Variants in PLEK observed in about 807,000 individuals in gnomAD.
PLEK encodes the protein platelet 47 kDa protein.
PLEK carries 25 observed loss-of-function variants against 43.9 expected under a neutral mutation model. The observed-to-expected ratio is 0.57, with a 90% confidence interval of 0.41 to 0.79. The LOEUF is 0.79. Among genes scored for constraint, PLEK ranks in the 30% least tolerant of loss-of-function variants. The pLI is 0.00. For missense variants in PLEK, 396 were observed against 413.3 expected (o/e 0.96, Z 0.36); for synonymous variants, 152 against 144.4 (o/e 1.05, Z -0.38).
At chr2:68,381,863 C>T (rs539606057) in intron 3 of PLEK, among the ~76,000 whole-genome samples, 6 of 152,256 alleles carry the variant, frequency 3.9e-5, no homozygotes, top group African/African-American at 1.4e-4. Flanking sequence ...TGGGGGCCAT[C>T]GAGTGACCAC....
chr2:68,389,811 G>T (rs1673824560), intron 6 of PLEK, among the ~76,000 whole-genome samples: 1 of 152,100 alleles, frequency 6.6e-6, no homozygotes, highest in South Asian at 2.1e-4. Context: ...CGGACAGTTT[G>T]CCCGCTGCTG....
chr2:68,374,186 T>G (rs915592164), intron 1 of PLEK, among the ~76,000 whole-genome samples: 5 of 152,332 alleles, frequency 3.3e-5, no homozygotes, highest in Admixed American at 6.5e-5. Context: ...TACTTCAACA[T>G]ACATCTTCCA....
At chr2:68,382,507 T>G in intron 3 of PLEK, 35 bp from the exon 4 acceptor site, 1 of 1,265,462 alleles carries the variant, frequency 7.9e-7, no homozygotes. Context: ...TTTTTTTTTG[T>G]TTGTTTGTTT....
intron 1 of PLEK, among the ~76,000 whole-genome samples, chr2:68,371,156 C>T (rs1452343205): frequency 6.6e-6 from 1 of 152,280 alleles, no homozygotes; most frequent in East Asian, 1.9e-4. Context: ...TTCTCATCTG[C>T]AGCTTGCATT....
chr2:68,386,817 A>G (rs1673754261), intron 5 of PLEK, 131 bp downstream of exon 5: 1 of 660,246 alleles, frequency 1.5e-6, no homozygotes, highest in Non-Finnish European at 2.6e-6. Flanking sequence ...AGGAAGAACA[A>G]GGGAATACCT....
At chr2:68,380,521 A>G in intron 2 of PLEK, 38 bp downstream of exon 2, 1 of 1,597,014 alleles carries the variant, frequency 6.3e-7, no homozygotes, top group African/African-American at 1.3e-5. Context: ...ACCCCTGGTC[A>G]GGCACTCAAC....
At chr2:68,368,257 C>T (rs72892058) in intron 1 of PLEK, among the ~76,000 whole-genome samples, 4 of 152,132 alleles carry the variant, frequency 2.6e-5, no homozygotes, top group African/African-American at 7.2e-5. Flanking sequence ...TTTCACCTTA[C>T]TTTTTTGTTT....
chr2:68,386,699 C>T lies in PLEK; in HGVS notation c.657+13C>T. The T allele has an allele frequency of 1.9e-6, 3 of 1,600,860 alleles. No homozygotes were observed. Among genetic ancestry groups the T allele is most frequent in the Non-Finnish European group, 2.6e-6 (3 of 1,168,770 alleles). ...CTTCTACTACTTTGTAAGAAAAGCT[C>T]CCCATCTCTTCTTCCTGTAAGGGAG... On this transcript the variant is annotated intron_variant, in intron 5 of 8. Transcript: ENST00000234313.
intron 1 of PLEK, among the ~76,000 whole-genome samples, chr2:68,366,760 G>A (rs909621935): frequency 1.3e-5 from 2 of 152,182 alleles, no homozygotes; most frequent in African/African-American, 4.8e-5. Context: ...AATAATTGGC[G>A]AGACCTGGTA....
chr2:68,389,594 AG>A (rs1423164862), intron 6 of PLEK, among the ~76,000 whole-genome samples: 3 of 152,228 alleles, frequency 2.0e-5, no homozygotes. Context: ...TGAGTTTCAC[AG>A]GGGGAAGTGG....
intron 6 of PLEK, among the ~76,000 whole-genome samples, chr2:68,389,138 G>A (rs548227103): frequency 1.2e-4 from 19 of 152,346 alleles, no homozygotes; most frequent in Non-Finnish European, 2.5e-4. Context: ...GTTACCAGGT[G>A]CCAAGGCATA....
chr2:68,373,120 A>G (rs1673440540), intron 1 of PLEK, among the ~76,000 whole-genome samples: 2 of 152,098 alleles, frequency 1.3e-5, no homozygotes, highest in Admixed American at 1.3e-4. Context: ...GGGCCAGAAA[A>G]GGAAAAATTT....
Position 68,394,146 on chromosome 2 carries a change from G to A in PLEK, c.886G>A (p.Val296Met), listed in dbSNP as rs1421648425. The change falls in exon 8 of 9, where the codon GTG becomes ATG. Residue 296 changes from valine to methionine, a missense_variant. Physicochemically the swap from Val to Met is conservative, Grantham distance 21 (BLOSUM62 1). Coordinates refer to ENST00000234313, the MANE Select transcript of PLEK (RefSeq NM_002664.3). The stretch of plus-strand genomic sequence containing the variant: ...GGGAGCAATTCACTTGAGAGGCTGT[G>A]TGGTGACTTCAGTGGAGAGCAACTC... ...PLGAIHLRGC[V>M]VTSVESNSNG... 6.2e-7 allele frequency: 1 copy of A among 1,610,786 alleles called. No individual in the cohort carries two copies. Among genetic ancestry groups the A allele is most frequent in the Non-Finnish European group, 8.5e-7 (1 of 1,177,108 alleles).
At chr2:68,386,729 C>T (rs751125994) in intron 5 of PLEK, 43 bp downstream of exon 5, 50 of 1,460,160 alleles carry the variant, frequency 3.4e-5, no homozygotes, top group Non-Finnish European at 4.6e-5. Context: ...AGGGAGGCTG[C>T]CCTGAGCAGA....
chr2:68,387,099 G>A (rs999709930), intron 5 of PLEK, among the ~76,000 whole-genome samples: 4 of 152,180 alleles, frequency 2.6e-5, no homozygotes, highest in South Asian at 2.1e-4. Context: ...TCCGCCTCCC[G>A]GGTTCAAGCG....
At chr2:68,381,632 C>T (rs1011709997) in intron 3 of PLEK, among the ~76,000 whole-genome samples, 1 of 152,174 alleles carries the variant, frequency 6.6e-6, no homozygotes, top group Non-Finnish European at 1.5e-5. Flanking sequence ...AAATGTCCAA[C>T]AAGAATTTTG....
At chr2:68,376,426 C>T (rs1243587272) in intron 1 of PLEK, among the ~76,000 whole-genome samples, 1 of 151,918 alleles carries the variant, frequency 6.6e-6, no homozygotes, top group African/African-American at 2.4e-5. Context: ...TCCTGCGCAG[C>T]CTTGTGCAAA....
chr2:68,370,392 A>G (rs1157961888), intron 1 of PLEK, among the ~76,000 whole-genome samples: 1 of 152,214 alleles, frequency 6.6e-6, no homozygotes, highest in African/African-American at 2.4e-5. Flanking sequence ...TGCATTCATC[A>G]CACTGACCTG....
At chr2:68,387,722 T>G (rs1178187549) in intron 5 of PLEK, among the ~76,000 whole-genome samples, 7 of 152,066 alleles carry the variant, frequency 4.6e-5, no homozygotes, top group Admixed American at 4.6e-4. Flanking sequence ...CTTATAAACA[T>G]GAAGTGAACA....
Sources: gnomAD v4.1 joint callset for allele counts (sites outside exome capture counted in the v4.1 genomes callset) on GRCh38, gnomAD v4.1.1 for gene constraint, MANE v1.5 for transcripts, NCBI Gene and HGNC (gene_info 2026-07-23, HGNC 2026-07-21) for gene names.